Variants in AGMO observed in about 807,000 individuals in gnomAD.
The protein encoded by AGMO is alkylglycerol monooxygenase, also known as glyceryl-ether monooxygenase.
A neutral mutation model predicts 60.2 loss-of-function variants in AGMO; 75 were observed. The observed-to-expected ratio is 1.25, with a 90% CI of 1.03 to 1.51. The LOEUF is 1.51. Ranked by LOEUF, AGMO falls within the 40% of genes most tolerant of loss-of-function variation. AGMO has a pLI of 0.00. For synonymous variants in AGMO, 261 were observed against 177.1 expected (o/e 1.47, Z -3.76); for missense variants, 763 against 525.5 (o/e 1.45, Z -4.42).
chr7:15,171,429 A>G, the AGMO span, among the ~76,000 whole-genome samples: 1 of 152,220 alleles, frequency 6.6e-6, no homozygotes, highest in African/African-American at 2.4e-5. Flanking sequence ...TATAAAGTAT[A>G]CACTTCTTTC....
chr7:15,125,896 A>G, the AGMO span, among the ~76,000 whole-genome samples: 1 of 152,152 alleles, frequency 6.6e-6, no homozygotes, highest in East Asian at 1.9e-4. Context: ...TATCTCCTAC[A>G]TTTAAAAATC....
Position 15,366,123 on chromosome 7 carries a change from A to G in AGMO, c.1157+17T>C, listed in dbSNP as rs757650977. 2.6e-5 allele frequency: 42 copies of G among 1,585,734 alleles called. No homozygotes were observed. Among genetic ancestry groups the G allele is most frequent in the Middle Eastern group, 1.7e-4 (1 of 6,052 alleles). ...ATTGAGTAAAAGTAAAAACAATGCA[A>G]GAATTTCACTTCTTGCCTTTGATCC... On this transcript the variant is annotated intron_variant, in intron 11 of 12. Coordinates refer to ENST00000342526, the MANE Select transcript of AGMO (RefSeq NM_001004320.2).
At chr7:15,529,309 T>C (rs937819120) in intron 3 of AGMO, among the ~76,000 whole-genome samples, 5 of 151,058 alleles carry the variant, frequency 3.3e-5, no homozygotes, top group South Asian at 2.1e-4. Flanking sequence ...TATTTAAATA[T>C]ATATTACTGT....
At chr7:15,215,813 T>C (rs1186873376) in intron 12 of AGMO, among the ~76,000 whole-genome samples, 1 of 152,102 alleles carries the variant, frequency 6.6e-6, no homozygotes, top group Non-Finnish European at 1.5e-5. Context: ...GCCTAGGATG[T>C]GGGCTTAATT....
chr7:15,379,898 A>T (rs576694627), intron 10 of AGMO, among the ~76,000 whole-genome samples: 2 of 152,268 alleles, frequency 1.3e-5, no homozygotes, highest in South Asian at 4.1e-4. Flanking sequence ...TAACAGAACT[A>T]AAGACAGAAA....
intron 3 of AGMO, among the ~76,000 whole-genome samples, chr7:15,517,286 T>C (rs1464284829): frequency 2.0e-5 from 3 of 151,734 alleles, no homozygotes; most frequent in Non-Finnish European, 4.4e-5. Context: ...AGAAGAATAG[T>C]GTGATTAAAA....
At chr7:15,486,179 T>C (rs1422490512) in intron 3 of AGMO, among the ~76,000 whole-genome samples, 1 of 152,084 alleles carries the variant, frequency 6.6e-6, no homozygotes, top group Non-Finnish European at 1.5e-5. Flanking sequence ...CAAGCAGACA[T>C]GGGCTATAAC....
At chr7:15,312,264 A>G (rs1780788910) in intron 12 of AGMO, among the ~76,000 whole-genome samples, 1 of 152,174 alleles carries the variant, frequency 6.6e-6, no homozygotes, top group African/African-American at 2.4e-5. Flanking sequence ...TAATAGCTTC[A>G]AGAAGCCAGA....
chr7:15,161,650 T>C, the AGMO span, among the ~76,000 whole-genome samples: 2 of 151,504 alleles, frequency 1.3e-5, no homozygotes, highest in Admixed American at 6.6e-5. Context: ...ATATATATCA[T>C]ATATAATCCA....
the AGMO span, among the ~76,000 whole-genome samples, chr7:15,118,926 C>G: frequency 1.8e-5 from 2 of 112,250 alleles, no homozygotes; most frequent in African/African-American, 6.6e-5. Context: ...GAGACAGAGT[C>G]TCTCTCTGTT....
At chr7:15,358,526 C>T (rs909527666) in intron 12 of AGMO, 7 of 430,508 alleles carry the variant, frequency 1.6e-5, no homozygotes, top group Admixed American at 1.4e-4. Flanking sequence ...GTAAGAATCC[C>T]TCCAGGGATT....
chr7:15,229,819 G>A (rs547912399), intron 12 of AGMO, among the ~76,000 whole-genome samples: 7 of 149,212 alleles, frequency 4.7e-5, no homozygotes, highest in Non-Finnish European at 8.9e-5. Flanking sequence ...CCAAGTGGGA[G>A]GCTCACATCT....
At chr7:15,261,739 G>A (rs184656808) in intron 12 of AGMO, among the ~76,000 whole-genome samples, 72 of 151,940 alleles carry the variant, frequency 4.7e-4, no homozygotes, top group Non-Finnish European at 8.4e-4. Context: ...GAACATAGAC[G>A]CAAAAATTAT....
chr7:15,439,734 A>G (rs993248317), intron 3 of AGMO, among the ~76,000 whole-genome samples: 2 of 152,174 alleles, frequency 1.3e-5, no homozygotes, highest in African/African-American at 4.8e-5. Context: ...TGTGGACCAA[A>G]GACCCACCAT....
At chr7:15,275,281 CTTTAG>C (rs1783747999) in intron 12 of AGMO, among the ~76,000 whole-genome samples, 1 of 151,926 alleles carries the variant, frequency 6.6e-6, no homozygotes, top group African/African-American at 2.4e-5. Context: ...TTGAATTCTG[CTTTAG>C]TTTCTTTCTT....
intron 3 of AGMO, among the ~76,000 whole-genome samples, chr7:15,456,839 G>C (rs1387287024): frequency 6.6e-6 from 1 of 152,070 alleles, no homozygotes; most frequent in East Asian, 1.9e-4. Context: ...TTTAATTCTT[G>C]TCTGTCAACT....
intron 3 of AGMO, among the ~76,000 whole-genome samples, chr7:15,449,093 A>C (rs1562513042): frequency 6.6e-6 from 1 of 152,102 alleles, no homozygotes; most frequent in Admixed American, 6.5e-5. Context: ...AGTAATGCAA[A>C]GTTTGTTGTT....
intron 12 of AGMO, among the ~76,000 whole-genome samples, chr7:15,202,672 A>G (rs1781329084): frequency 6.6e-6 from 1 of 152,076 alleles, no homozygotes; most frequent in South Asian, 2.1e-4. Flanking sequence ...TAAAATCAGC[A>G]GTTATATTGA....
At chr7:15,347,113 C>A (rs1225602090) in intron 12 of AGMO, among the ~76,000 whole-genome samples, 1 of 151,976 alleles carries the variant, frequency 6.6e-6, no homozygotes, top group South Asian at 2.1e-4. Flanking sequence ...GAAACATTCT[C>A]TTCTCTATCC....
Sources: allele counts gnomAD v4.1 joint callset (sites outside exome capture counted in the v4.1 genomes callset), GRCh38; gene constraint gnomAD v4.1.1; transcripts MANE v1.5; gene names NCBI Gene and HGNC (gene_info 2026-07-23, HGNC 2026-07-21).